Variants in CACNG4 observed in about 807,000 individuals in gnomAD.
The protein encoded by CACNG4 is calcium voltage-gated channel auxiliary subunit gamma 4.
In CACNG4, 8 loss-of-function variants were observed where a neutral mutation model predicts 22.9. That is an observed-to-expected ratio of 0.35 (90% CI 0.21 to 0.63). The LOEUF is 0.63. Ranked by LOEUF, CACNG4 falls within the 30% of genes least tolerant of loss-of-function variation. CACNG4 has a pLI of 0.72. For synonymous variants in CACNG4, 188 were observed against 191.9 expected, an observed-to-expected ratio of 0.98 and a Z score of 0.17; for missense variants, 357 against 455.4, an observed-to-expected ratio of 0.78 and a Z score of 1.97.
intron 1 of CACNG4, among the ~76,000 whole-genome samples, chr17:66,998,507 T>A (rs2143321087): frequency 6.6e-6 from 1 of 152,306 alleles, no homozygotes; most frequent in Non-Finnish European, 1.5e-5. Flanking sequence ...GATACTTATT[T>A]AACGTGAGCA....
Position 67,023,143 on chromosome 17 carries a change from C to T in CACNG4, c.305-1717C>T, listed in dbSNP as rs116935575. On this transcript the variant is annotated intron_variant, in intron 2 of 3. Transcript: ENST00000262138. Reference sequence around the variant, plus strand: ...GTCTCTGCCTCCGTCTTCACAGCCCCTTCTCCCCTGTGTCTTCTCCTAAGG... The same window carrying T: ...GTCTCTGCCTCCGTCTTCACAGCCCTTTCTCCCCTGTGTCTTCTCCTAAGG... 3.0e-3 allele frequency among the ~76,000 whole-genome samples: 463 copies of T among 152,256 alleles called. 5 individuals are homozygous for T. In the East Asian group the frequency reaches 0.044, roughly 15 times the overall value.
Position 66,964,864 on chromosome 17 carries a change from G to T in CACNG4, c.-48G>T, listed in dbSNP as rs1452358704. ...GGCGCGCGGAGGGAGGAGGGCGGGC[G>T]GGCGCGGCGGGCCGGGCCGGCGGGC... On this transcript the variant is annotated 5_prime_UTR_variant, in exon 1 of 4. Coordinates refer to ENST00000262138, the MANE Select transcript of CACNG4 (RefSeq NM_014405.4). The T allele has an allele frequency of 5.9e-6, 7 of 1,186,254 alleles. No individual in the cohort carries two copies. Among genetic ancestry groups the T allele is most frequent in the Admixed American group, 4.2e-5 (1 of 23,690 alleles). The allele number at this position is 1,186,254 out of a possible 1,614,324, so 73.5% of individuals were successfully genotyped here.
In CACNG4 at chr17:67,018,476, G is replaced by A. The variant is rs117783672; in HGVS notation, c.304+204G>A. Among the ~76,000 whole-genome samples, 67 of 152,346 alleles carry A rather than the reference G, an allele frequency of 4.4e-4. 1 individual carries two copies. The East Asian group carries it at 8.7e-3, about 20-fold the overall frequency. On this transcript the variant is annotated intron_variant, in intron 2 of 3. Transcript: ENST00000262138. ...ATGACATACTGGGTATCTCAATGCG[G>A]TTATTTGGCTGAGAGGCCTGTACCC...
rs117694919 is a variant in CACNG4 at position 66,972,015 on chromosome 17, C to T, written c.220+6884C>T. Among the ~76,000 whole-genome samples the T allele has an allele frequency of 9.2e-3, 1,400 of 152,072 alleles. 11 individuals carry two copies. Among genetic ancestry groups the T allele is most frequent in the Admixed American group, 0.017 (261 of 15,284 alleles). ...GTGGCAGACTGGAGACCTGGGGCTA[C>T]GTGGCAGCAGCAGAGATGGGAGAAG... On this transcript the variant is annotated intron_variant, in intron 1 of 3. Transcript: ENST00000262138.
chr17:67,008,318 G>C (rs925344043), intron 1 of CACNG4, among the ~76,000 whole-genome samples: 5 of 152,210 alleles, frequency 3.3e-5, no homozygotes, highest in Non-Finnish European at 7.3e-5. Context: ...GCTTGCTGAA[G>C]CTGGAAAGAG....
At chr17:66,975,664 T>C (rs2035231565) in intron 1 of CACNG4, among the ~76,000 whole-genome samples, 1 of 152,194 alleles carries the variant, frequency 6.6e-6, no homozygotes, top group African/African-American at 2.4e-5. Flanking sequence ...CCAAATTTTG[T>C]AAGCTGCCCC....
chr17:66,998,342 C>T (rs1388038192), intron 1 of CACNG4, among the ~76,000 whole-genome samples: 3 of 152,150 alleles, frequency 2.0e-5, no homozygotes, highest in African/African-American at 7.2e-5. Flanking sequence ...CTGCCTTAGC[C>T]TCCTGAGTAG....
intron 1 of CACNG4, among the ~76,000 whole-genome samples, chr17:66,988,460 C>T (rs1173590746): frequency 2.6e-5 from 4 of 152,236 alleles, no homozygotes; most frequent in South Asian, 2.1e-4. Context: ...AATCCAGCTC[C>T]ATCATGAGGG....
intron 1 of CACNG4, among the ~76,000 whole-genome samples, chr17:66,979,896 C>T (rs2035261072): frequency 1.3e-5 from 2 of 152,038 alleles, no homozygotes; most frequent in Non-Finnish European, 2.9e-5. Flanking sequence ...GCTGGGATTA[C>T]AGGCATGTGC....
At chr17:66,986,509 C>T (rs2035306459) in intron 1 of CACNG4, among the ~76,000 whole-genome samples, 1 of 152,062 alleles carries the variant, frequency 6.6e-6, no homozygotes. Flanking sequence ...AATGAGAGCC[C>T]ATTATGGGGA....
Position 66,964,748 on chromosome 17 carries a change from G to A in CACNG4, c.-164G>A, listed in dbSNP as rs951406139. Among the ~76,000 whole-genome samples, 15 of 145,538 alleles carry A rather than the reference G, an allele frequency of 1.0e-4. No individual in the cohort carries two copies. The highest frequency in any genetic ancestry group is 3.4e-4 in the African/African-American group (14 of 40,626). ...CGGAGTTTGAGCCCCAGCGCTGCCG[G>A]AGCGCAGGCACGCCCGGGGCGCGGG... On this transcript the variant is annotated 5_prime_UTR_variant, in exon 1 of 4. Coordinates refer to ENST00000262138, the MANE Select transcript of CACNG4 (RefSeq NM_014405.4).
At chr17:67,018,368 T>C in intron 2 of CACNG4, 96 bp downstream of exon 2, 3 of 868,930 alleles carry the variant, frequency 3.5e-6, no homozygotes, top group African/African-American at 3.3e-5. Context: ...ATGGAGAGGG[T>C]GATTGTCTTG....
intron 1 of CACNG4, among the ~76,000 whole-genome samples, chr17:66,993,588 A>C (rs1438544075): frequency 6.6e-6 from 1 of 152,198 alleles, no homozygotes; most frequent in Non-Finnish European, 1.5e-5. Context: ...AAAGTGCTTA[A>C]AAAGTAACCA....
intron 1 of CACNG4, among the ~76,000 whole-genome samples, chr17:66,980,640 T>TTTTTA (rs2035266353): frequency 7.6e-6 from 1 of 132,210 alleles, no homozygotes; most frequent in Non-Finnish European, 1.7e-5. Flanking sequence ...TTTTTTTTTT[T>TTTTTA]GAGACTGAGT....
intron 1 of CACNG4, among the ~76,000 whole-genome samples, chr17:67,006,330 A>G (rs1470203548): frequency 1.3e-5 from 2 of 152,176 alleles, no homozygotes; most frequent in African/African-American, 4.8e-5. Flanking sequence ...ATGAGCCATG[A>G]GTTTTCCAGC....
At chr17:67,028,335 C>A (rs1598127666) in intron 3 of CACNG4, among the ~76,000 whole-genome samples, 1 of 152,292 alleles carries the variant, frequency 6.6e-6, no homozygotes, top group East Asian at 1.9e-4. Context: ...GGGCGGATCA[C>A]AAGCTCAGGA....
At chr17:66,995,819 C>T (rs572242199) in intron 1 of CACNG4, among the ~76,000 whole-genome samples, 19 of 151,768 alleles carry the variant, frequency 1.3e-4, no homozygotes, top group South Asian at 1.0e-3. Flanking sequence ...CACTGCACTC[C>T]GGCCTGGGTG....
intron 1 of CACNG4, among the ~76,000 whole-genome samples, chr17:67,005,057 G>A (rs927182331): frequency 3.3e-5 from 5 of 152,282 alleles, no homozygotes; most frequent in East Asian, 1.9e-4. Flanking sequence ...ATGTGGAAGC[G>A]TCCCAAAGGA....
chr17:67,026,797 G>C (rs751590826), intron 3 of CACNG4, among the ~76,000 whole-genome samples: 1 of 151,940 alleles, frequency 6.6e-6, no homozygotes, highest in Non-Finnish European at 1.5e-5. Flanking sequence ...GTGTGCACAT[G>C]TGTGTGTGTT....
Sources: allele counts gnomAD v4.1 joint callset (sites outside exome capture counted in the v4.1 genomes callset), GRCh38; gene constraint gnomAD v4.1.1; transcripts MANE v1.5; gene names NCBI Gene and HGNC (gene_info 2026-07-23, HGNC 2026-07-21).